The following STAU2 variants were observed in gnomAD, a reference collection of about 807,000 sequenced individuals.
The protein encoded by STAU2 is double-stranded RNA-binding protein Staufen homolog 2.
STAU2 carries 20 observed loss-of-function variants against 65.9 expected under a neutral mutation model. The ratio of observed to expected loss-of-function variants is 0.30; its 90% CI spans 0.21 to 0.44. STAU2 has a LOEUF of 0.44. Among genes scored for constraint, STAU2 ranks in the 20% least tolerant of loss-of-function variants. The pLI is 1.00. For missense variants in STAU2, 558 were observed against 683.9 expected (o/e 0.82, Z 2.05); for synonymous variants, 232 against 233.9 (o/e 0.99, Z 0.07).
At chr8:73,740,590 T>C (rs1044901227) in intron 1 of STAU2, among the ~76,000 whole-genome samples, 10 of 152,198 alleles carry the variant, frequency 6.6e-5, no homozygotes, top group South Asian at 2.1e-4. Context: ...TAGCTATAAC[T>C]TAAAATACAA....
chr8:73,583,480 T>C (rs1356602713), intron 11 of STAU2, among the ~76,000 whole-genome samples: 1 of 152,034 alleles, frequency 6.6e-6, no homozygotes, highest in Non-Finnish European at 1.5e-5. Context: ...TAAATAATAA[T>C]CATCACCACA....
chr8:73,593,796 T>A (rs1810986930), intron 11 of STAU2, among the ~76,000 whole-genome samples: 2 of 152,076 alleles, frequency 1.3e-5, no homozygotes. Flanking sequence ...CCTGTCAGGC[T>A]GTCCCATCAG....
At chr8:73,483,037 A>G (rs974871236) in intron 13 of STAU2, among the ~76,000 whole-genome samples, 9 of 92,222 alleles carry the variant, frequency 9.8e-5, no homozygotes, top group African/African-American at 3.1e-4. Context: ...TAAATTTTTA[A>G]AAAGCCCCAT....
At chr8:73,692,480 G>C (rs1454420898) in intron 4 of STAU2, among the ~76,000 whole-genome samples, 1 of 152,200 alleles carries the variant, frequency 6.6e-6, no homozygotes, top group Admixed American at 6.5e-5. Flanking sequence ...ACAGGCGTGA[G>C]CCACCACGCC....
intron 4 of STAU2, among the ~76,000 whole-genome samples, chr8:73,695,696 G>T (rs989618848): frequency 6.6e-6 from 1 of 152,118 alleles, no homozygotes; most frequent in Non-Finnish European, 1.5e-5. Context: ...AGCATTTCCG[G>T]ATCTACTTCA....
chr8:73,656,351 C>A (rs1413212703), intron 6 of STAU2, among the ~76,000 whole-genome samples: 1 of 152,230 alleles, frequency 6.6e-6, no homozygotes, highest in Non-Finnish European at 1.5e-5. Flanking sequence ...GATCTACCAT[C>A]AGAAATTATT....
At chr8:73,494,028 G>A (rs1821273198) in intron 13 of STAU2, among the ~76,000 whole-genome samples, 1 of 151,710 alleles carries the variant, frequency 6.6e-6, no homozygotes, top group African/African-American at 2.4e-5. Flanking sequence ...GGGTCGTGTG[G>A]GCTGAGATTT....
At chr8:73,563,573 G>T (rs1312149356) in intron 12 of STAU2, among the ~76,000 whole-genome samples, 7 of 152,054 alleles carry the variant, frequency 4.6e-5, no homozygotes, top group African/African-American at 1.7e-4. Context: ...GTTCTGCAAG[G>T]TGTTACCAGA....
intron 13 of STAU2, among the ~76,000 whole-genome samples, chr8:73,512,291 T>C (rs1169763665): frequency 2.0e-5 from 3 of 152,226 alleles, no homozygotes; most frequent in Non-Finnish European, 4.4e-5. Context: ...CCCAAAAGCC[T>C]GCTGGGATTT....
intron 9 of STAU2, among the ~76,000 whole-genome samples, chr8:73,608,579 C>T (rs1159026843): frequency 1.3e-5 from 2 of 149,550 alleles, no homozygotes; most frequent in African/African-American, 5.0e-5. Context: ...CCACTGCACT[C>T]CAGCTTGGGT....
chr8:73,716,481 T>C (rs1821261303), intron 3 of STAU2, among the ~76,000 whole-genome samples: 1 of 152,240 alleles, frequency 6.6e-6, no homozygotes. Context: ...CAGGCCATGT[T>C]GTGCCTCCAT....
rs1234142377 is a variant in STAU2, at chr8:73,737,433, A to C, written c.-18+851T>G. Among the ~76,000 whole-genome samples the C allele has an allele frequency of 7.9e-5, 12 of 152,188 alleles. No homozygotes were observed. In the East Asian group the frequency reaches 2.3e-3, roughly 29 times the overall value. ...TGATCTGCCCGCCTTGGCCTCCCAA[A>C]GTGCTGGGATTACAGGTGTGAGCCA... On this transcript the variant is annotated intron_variant, in intron 3 of 14. Transcript: ENST00000524300.
In STAU2 at chr8:73,609,351, G is replaced by GA. The variant is rs201187418; in HGVS notation, c.891+4392dup. On this transcript the variant is annotated intron_variant, in intron 9 of 14. Coordinates refer to ENST00000524300, the MANE Select transcript of STAU2 (RefSeq NM_001164380.2). ...TGGTTTCAACTTCCACTTATATCCT[G>GA]AAAAAAAAAATTAAATAAAGGGCCG... 1.9e-4 allele frequency among the ~76,000 whole-genome samples: 28 copies of GA among 149,610 alleles called. 1 individual carries two copies. The highest frequency in any genetic ancestry group is 4.3e-4 in the South Asian group (2 of 4,684).
chr8:73,515,471 G>A (rs1822653100), intron 13 of STAU2, among the ~76,000 whole-genome samples: 1 of 152,138 alleles, frequency 6.6e-6, no homozygotes, highest in South Asian at 2.1e-4. Context: ...AGAGAAATAT[G>A]AGAATAAGTC....
At chr8:73,465,382 C>G (rs1476147460) in intron 13 of STAU2, among the ~76,000 whole-genome samples, 4 of 152,128 alleles carry the variant, frequency 2.6e-5, no homozygotes, top group Admixed American at 6.5e-5. Context: ...TCCTTAATTT[C>G]TATATTTAAT....
rs566531716 is a variant in STAU2 at position 73,527,020 on chromosome 8, T to C, written c.1530+24992A>G. Among the ~76,000 whole-genome samples the C allele has an allele frequency of 2.0e-5, 3 of 152,314 alleles. No individual in the cohort carries two copies. In the South Asian group the frequency reaches 6.2e-4, roughly 32 times the overall value. ...GGTCAATAACAGACCACAAATATAA[T>C]GGTGCTCCCAGAAGGTTACAATACC... On this transcript the variant is annotated intron_variant, in intron 13 of 14. Transcript: ENST00000524300.
chr8:73,680,290 A>C (rs980543655), intron 5 of STAU2, among the ~76,000 whole-genome samples: 2 of 151,978 alleles, frequency 1.3e-5, no homozygotes, highest in African/African-American at 4.8e-5. Flanking sequence ...GCCTAGGGCA[A>C]ATGCTTTTTC....
At chr8:73,575,920 T>C (rs1158730898) in intron 12 of STAU2, among the ~76,000 whole-genome samples, 1 of 151,976 alleles carries the variant, frequency 6.6e-6, no homozygotes, top group Non-Finnish European at 1.5e-5. Flanking sequence ...TTTTTCCCCA[T>C]TTAAAAACCC....
chr8:73,563,112 AC>A (rs1808353689), intron 12 of STAU2, among the ~76,000 whole-genome samples: 1 of 152,184 alleles, frequency 6.6e-6, no homozygotes, highest in Non-Finnish European at 1.5e-5. Flanking sequence ...ACACAAAAAA[AC>A]CTGTTCTCCC....
Sources: allele counts gnomAD v4.1 joint callset (sites outside exome capture counted in the v4.1 genomes callset), GRCh38; gene constraint gnomAD v4.1.1; transcripts MANE v1.5; gene names NCBI Gene and HGNC (gene_info 2026-07-23, HGNC 2026-07-21).